Variants in NAV2 observed in about 807,000 individuals in gnomAD.
NAV2 encodes helicase, APC down-regulated 1.
A neutral mutation model predicts 223.2 loss-of-function variants in NAV2; 54 were observed. That is an observed-to-expected ratio of 0.24 (90% CI 0.19 to 0.30). The LOEUF is 0.30. NAV2 is among the 10% of genes least tolerant of loss of function. The pLI, the probability that NAV2 is intolerant of heterozygous loss-of-function variation, is 1.00. For missense variants in NAV2, 2,806 were observed against 3,147.5 expected, an observed-to-expected ratio of 0.89 and a Z score of 2.60; for synonymous variants, 1,279 against 1,239.3, an observed-to-expected ratio of 1.03 and a Z score of -0.67.
rs72913678 is a variant in NAV2, at chr11:19,786,789, G to A, written c.268-45695G>A. On this transcript the variant is annotated intron_variant, in intron 1 of 37. Transcript: ENST00000349880. ...GTTTACAACATAATTGGCTAGGGAG[G>A]CTGGACTAGAGGGAAGACACTTCTA... 3.5e-3 allele frequency among the ~76,000 whole-genome samples: 539 copies of A among 152,292 alleles called. 2 individuals carry two copies. The highest frequency in any genetic ancestry group is 7.8e-3 in the Admixed American group (119 of 15,302).
chr11:19,988,068 A>G (rs950570976), intron 11 of NAV2, among the ~76,000 whole-genome samples: 2 of 152,196 alleles, frequency 1.3e-5, no homozygotes, highest in African/African-American at 4.8e-5. Flanking sequence ...GAACCCATCA[A>G]AAGTTCCCGA....
chr11:19,397,581 A>G (rs1849512521), intron 1 of NAV2, among the ~76,000 whole-genome samples: 2 of 152,110 alleles, frequency 1.3e-5, no homozygotes, highest in South Asian at 4.2e-4. Context: ...ACATTTTATT[A>G]TTATTTTTGC....
At chr11:19,810,993 T>C (rs1354288500) in intron 1 of NAV2, among the ~76,000 whole-genome samples, 2 of 152,228 alleles carry the variant, frequency 1.3e-5, no homozygotes, top group Non-Finnish European at 2.9e-5. Flanking sequence ...CTCATCATTC[T>C]GTCCTCAGAA....
chr11:20,015,933 T>G (rs2053966153), intron 11 of NAV2, among the ~76,000 whole-genome samples: 1 of 152,214 alleles, frequency 6.6e-6, no homozygotes, highest in Non-Finnish European at 1.5e-5. Context: ...ACTCCTCTAA[T>G]GCCGTGTCAC....
At chr11:20,070,946 C>G (rs2059362453) in intron 22 of NAV2, among the ~76,000 whole-genome samples, 1 of 152,004 alleles carries the variant, frequency 6.6e-6, no homozygotes, top group Non-Finnish European at 1.5e-5. Context: ...TTCATGGGGT[C>G]AGGTTTTTTA....
At chr11:19,996,871 A>G (rs1489195774) in intron 11 of NAV2, among the ~76,000 whole-genome samples, 1 of 152,106 alleles carries the variant, frequency 6.6e-6, no homozygotes, top group African/African-American at 2.4e-5. Context: ...ATGTTGCAGG[A>G]TTGTGTGGAG....
chr11:19,346,504 G>C (rs1479608890), upstream of NAV2, among the ~76,000 whole-genome samples: 1 of 152,238 alleles, frequency 6.6e-6, no homozygotes, highest in African/African-American at 2.4e-5. Context: ...CCGGGTGTGC[G>C]CTCCGCTGAG....
At chr11:19,756,942 CCTTT>C (rs1452710632) in intron 1 of NAV2, among the ~76,000 whole-genome samples, 1 of 152,100 alleles carries the variant, frequency 6.6e-6, no homozygotes, top group African/African-American at 2.4e-5. Flanking sequence ...CCTTTGAAAA[CCTTT>C]CTGAGGACAG....
At chr11:20,041,939 CT>C (rs2056954810) in intron 12 of NAV2, among the ~76,000 whole-genome samples, 1 of 152,138 alleles carries the variant, frequency 6.6e-6, no homozygotes, top group Admixed American at 6.5e-5. Context: ...GACTTTTTGT[CT>C]TTTTCCTTAT....
intron 1 of NAV2, among the ~76,000 whole-genome samples, chr11:19,643,899 A>T (rs1357271434): frequency 6.6e-6 from 1 of 152,180 alleles, no homozygotes; most frequent in Non-Finnish European, 1.5e-5. Flanking sequence ...TTTGATTTGC[A>T]TTTCTCTGGA....
chr11:19,966,529 C>T (rs2048787425), intron 10 of NAV2, among the ~76,000 whole-genome samples: 1 of 152,214 alleles, frequency 6.6e-6, no homozygotes, highest in African/African-American at 2.4e-5. Context: ...CGTCCTCTCC[C>T]CACCCCAGCT....
rs563125975 is a variant in NAV2, at chr11:19,816,789, T to C, written c.268-15695T>C. 1.4e-4 allele frequency among the ~76,000 whole-genome samples: 21 copies of C among 152,342 alleles called. No homozygotes were observed. In the South Asian group the frequency reaches 4.4e-3, roughly 32 times the overall value. On this transcript the variant is annotated intron_variant, in intron 1 of 37. Transcript: ENST00000349880. The stretch of plus-strand genomic sequence containing the variant: ...GTCCATTGTTTGTGGTTGGCATCAT[T>C]ATGTAAAAATATGTAAATATACCTA...
At chr11:19,579,954 G>A (rs574948166) in intron 1 of NAV2, among the ~76,000 whole-genome samples, 1 of 152,230 alleles carries the variant, frequency 6.6e-6, no homozygotes, top group African/African-American at 2.4e-5. Flanking sequence ...CCTGGCATGG[G>A]GACCAAACAG....
At chr11:19,608,497 T>C (rs927696384) in intron 1 of NAV2, among the ~76,000 whole-genome samples, 1 of 152,278 alleles carries the variant, frequency 6.6e-6, no homozygotes, top group Non-Finnish European at 1.5e-5. Flanking sequence ...TGTGAACTTA[T>C]CTCCACACAA....
intron 1 of NAV2, among the ~76,000 whole-genome samples, chr11:19,414,229 C>T (rs1000757741): frequency 1.4e-4 from 21 of 152,112 alleles, no homozygotes; most frequent in Non-Finnish European, 1.9e-4. Flanking sequence ...GAATATTTAC[C>T]AAGCAAATGG....
At chr11:20,096,683 A>G (rs2061294336) in intron 30 of NAV2, among the ~76,000 whole-genome samples, 1 of 152,218 alleles carries the variant, frequency 6.6e-6, no homozygotes. Flanking sequence ...GCAACAACCT[A>G]ATAGTACACT....
intron 1 of NAV2, chr11:19,518,648 A>G (rs1255676402): frequency 6.6e-6 from 1 of 152,226 alleles, no homozygotes; most frequent in Non-Finnish European, 1.5e-5. Context: ...TTCAGCAAAC[A>G]TTTATTAGTT....
intron 1 of NAV2, among the ~76,000 whole-genome samples, chr11:19,726,033 G>A (rs1441923890): frequency 6.6e-6 from 1 of 152,200 alleles, no homozygotes; most frequent in South Asian, 2.1e-4. Context: ...CGAGGCCCTC[G>A]CCGTTCTGCG....
intron 22 of NAV2, 49 bp from the exon 23 acceptor site, chr11:20,077,503 A>G: frequency 7.0e-7 from 1 of 1,418,466 alleles, no homozygotes; most frequent in Admixed American, 1.7e-5. Context: ...CCTTCTAAGC[A>G]CTCTTGCCTT....
Sources: gnomAD v4.1 joint callset for allele counts (sites outside exome capture counted in the v4.1 genomes callset) on GRCh38, gnomAD v4.1.1 for gene constraint, MANE v1.5 for transcripts, NCBI Gene and HGNC (gene_info 2026-07-23, HGNC 2026-07-21) for gene names.